Variants in ERC2 observed in about 807,000 individuals in gnomAD.
The protein encoded by ERC2 is ELKS/RAB6-interacting/CAST family member 2, also known as ERC protein 2.
ERC2 carries 42 observed loss-of-function variants against 114.8 expected under a neutral mutation model. The ratio of observed to expected loss-of-function variants is 0.37; its 90% CI spans 0.29 to 0.47. The LOEUF (loss-of-function observed/expected upper bound fraction) is 0.47. ERC2 is among the 20% of genes least tolerant of loss of function. The pLI, the probability that ERC2 is intolerant of heterozygous loss-of-function variation, is 0.99. For missense variants in ERC2, 939 were observed against 1,150.7 expected (o/e 0.82, Z 2.66); for synonymous variants, 454 against 425.5 (o/e 1.07, Z -0.82).
Position 56,130,889 on chromosome 3 carries a change from T to G in ERC2, c.1473+8620A>C, listed in dbSNP as rs113566834. The stretch of plus-strand genomic sequence containing the variant: ...TTCATTTGCTAGATACAGGGACATT[T>G]TCCGCATTCTAAGGCTCACAAAGCC... On this transcript the variant is annotated intron_variant, in intron 6 of 17. Transcript: ENST00000288221. 3.5e-3 allele frequency among the ~76,000 whole-genome samples: 535 copies of G among 152,296 alleles called. 4 individuals carry two copies. Among genetic ancestry groups the G allele is most frequent in the African/African-American group, 0.012 (497 of 41,556 alleles).
intron 3 of ERC2, among the ~76,000 whole-genome samples, chr3:56,295,501 A>C (rs1030171520): frequency 6.6e-6 from 1 of 152,238 alleles, no homozygotes. Context: ...TGTCCTAGAC[A>C]AATGTAAATG....
At chr3:55,699,975 G>A (rs923804892) in intron 15 of ERC2, among the ~76,000 whole-genome samples, 3 of 152,200 alleles carry the variant, frequency 2.0e-5, no homozygotes, top group Non-Finnish European at 4.4e-5. Flanking sequence ...AGACAAGGCA[G>A]AAAAATCCAC....
In ERC2 at chr3:56,296,347, C is replaced by T. The variant is rs2055432040; in HGVS notation, c.746G>A (p.Arg249Gln). Reference sequence around the variant, plus strand: ...CTCGATGGTGAAGTGCTCCGCTCCTCGGTTGCCACTCTCTTGCTGGAGGAG... The same window carrying T: ...CTCGATGGTGAAGTGCTCCGCTCCTTGGTTGCCACTCTCTTGCTGGAGGAG... ...NHLLQQESGN[R>Q]GAEHFTIELT... Residue 249 changes from arginine (R) to glutamine (Q), a missense_variant, in exon 3 of 18, where the codon CGA becomes CAA. Arg to Gln is a conservative substitution (Grantham distance 43). Around this residue, in one of 5 missense-constraint regions of ERC2, gnomAD observed 281 missense variants for 307.4 expected, o/e 0.91. Transcript: ENST00000288221. 6.2e-7 allele frequency: 1 copy of T among 1,614,014 alleles called. No homozygotes were observed. The highest frequency in any genetic ancestry group is 8.5e-7 in the Non-Finnish European group (1 of 1,179,892).
At chr3:56,452,440 T>C (rs2062863974) in intron 1 of ERC2, among the ~76,000 whole-genome samples, 1 of 152,254 alleles carries the variant, frequency 6.6e-6, no homozygotes, top group African/African-American at 2.4e-5. Flanking sequence ...ATTTAGTTAA[T>C]GCAGTTAAAT....
chr3:55,617,540 C>T (rs1232814297), intron 17 of ERC2, among the ~76,000 whole-genome samples: 1 of 152,152 alleles, frequency 6.6e-6, no homozygotes, highest in African/African-American at 2.4e-5. Flanking sequence ...CTCTTCAACA[C>T]CCATGTGTAA....
intron 7 of ERC2, among the ~76,000 whole-genome samples, chr3:56,046,404 A>G (rs2075462165): frequency 6.6e-6 from 1 of 152,174 alleles, no homozygotes; most frequent in Non-Finnish European, 1.5e-5. Context: ...CCTTAAGAAC[A>G]GCATAGACAT....
chr3:56,010,657 A>G, intron 8 of ERC2, 68 bp from the exon 9 acceptor site: 1 of 1,494,456 alleles, frequency 6.7e-7, no homozygotes, highest in Non-Finnish European at 9.0e-7. Flanking sequence ...CATACTGTAA[A>G]AGAAAATAAG....
Position 55,555,975 on chromosome 3 carries a change from C to T in ERC2, c.*40-44699G>A, listed in dbSNP as rs570356918. Among the ~76,000 whole-genome samples the T allele has an allele frequency of 2.6e-5, 4 of 152,288 alleles. No homozygotes were observed. The South Asian group carries it at 6.2e-4, about 24-fold the overall frequency. ...TTAAATGCCTATCCCCCAAGCCCCA[C>T]GACTGAGCTCACAGCACCCAGAGAC... On this transcript the variant is annotated intron_variant, in intron 17 of 17. Coordinates refer to ENST00000288221, the MANE Select transcript of ERC2 (RefSeq NM_015576.3).
chr3:56,104,005 C>T (rs1328572083), intron 6 of ERC2, among the ~76,000 whole-genome samples: 1 of 152,148 alleles, frequency 6.6e-6, no homozygotes, highest in Non-Finnish European at 1.5e-5. Flanking sequence ...TGTAAACAAC[C>T]AGTGAATATT....
chr3:56,287,974 T>A (rs1430951190), intron 3 of ERC2, among the ~76,000 whole-genome samples: 1 of 152,242 alleles, frequency 6.6e-6, no homozygotes, highest in African/African-American at 2.4e-5. Flanking sequence ...TTAATTTCTC[T>A]GAGTCTCCAT....
intron 3 of ERC2, among the ~76,000 whole-genome samples, chr3:56,189,458 C>T (rs1353752996): frequency 1.3e-5 from 2 of 152,218 alleles, no homozygotes; most frequent in African/African-American, 4.8e-5. Flanking sequence ...CTGTTGAGTC[C>T]ATCCTTCTGG....
rs891602473 is a variant in ERC2 at position 55,542,338 on chromosome 3, G to A, written c.*40-31062C>T. On this transcript the variant is annotated intron_variant, in intron 17 of 17. Transcript: ENST00000288221. ...TCTCATCTAGAATGTTATTAAGACA[G>A]GCTTGCCATGGCTGCCTGGAGAACC... 2.0e-5 allele frequency among the ~76,000 whole-genome samples: 3 copies of A among 152,158 alleles called. No homozygotes were observed. In the East Asian group the frequency reaches 5.8e-4, roughly 29 times the overall value.
chr3:55,680,378 C>T (rs750714826), intron 17 of ERC2, among the ~76,000 whole-genome samples: 2 of 152,190 alleles, frequency 1.3e-5, no homozygotes, highest in South Asian at 2.1e-4. Context: ...CAAGGTGCCT[C>T]GATTTGCTCC....
chr3:56,311,255 C>CTCTCTATATATA (rs1314796268), intron 2 of ERC2, among the ~76,000 whole-genome samples: 3 of 79,062 alleles, frequency 3.8e-5, no homozygotes, highest in South Asian at 4.6e-4. Context: ...CTCTCTCTCT[C>CTCTCTATATATA]TATATATATA....
At chr3:55,705,459 T>C (rs965622690) in intron 15 of ERC2, among the ~76,000 whole-genome samples, 9 of 152,198 alleles carry the variant, frequency 5.9e-5, no homozygotes, top group African/African-American at 1.9e-4. Flanking sequence ...AGGAAATGTA[T>C]GTGAGATGAA....
intron 2 of ERC2, among the ~76,000 whole-genome samples, chr3:56,409,910 C>A (rs1296548621): frequency 1.3e-5 from 2 of 152,194 alleles, no homozygotes; most frequent in Non-Finnish European, 2.9e-5. Context: ...CTAGAAAGTG[C>A]TGAGGCAAGA....
chr3:56,189,631 G>A (rs975464898), intron 3 of ERC2, among the ~76,000 whole-genome samples: 1 of 152,202 alleles, frequency 6.6e-6, no homozygotes, highest in Non-Finnish European at 1.5e-5. Context: ...ACAAGTCCGG[G>A]CCAATCCCCC....
chr3:55,789,724 G>T (rs777810269), intron 14 of ERC2, among the ~76,000 whole-genome samples: 1 of 152,144 alleles, frequency 6.6e-6, no homozygotes, highest in African/African-American at 2.4e-5. Flanking sequence ...ACTACAGAAA[G>T]AAACAGAAAC....
At chr3:55,993,997 G>T (rs537993860) in intron 10 of ERC2, among the ~76,000 whole-genome samples, 1 of 152,050 alleles carries the variant, frequency 6.6e-6, no homozygotes, top group Admixed American at 6.6e-5. Context: ...CCATATACCT[G>T]CTTCTATTTG....
Sources: allele counts gnomAD v4.1 joint callset (sites outside exome capture counted in the v4.1 genomes callset), GRCh38; gene constraint gnomAD v4.1.1; regional missense constraint gnomAD v4.1.1; transcripts MANE v1.5; gene names NCBI Gene and HGNC (gene_info 2026-07-23, HGNC 2026-07-21).